The following SLC37A1 variants were observed in gnomAD, a reference collection of about 807,000 sequenced individuals.
SLC37A1 encodes glucose-6-phosphate exchanger SLC37A1.
SLC37A1 carries 49 observed loss-of-function variants against 75.3 expected under a neutral mutation model. The ratio of observed to expected loss-of-function variants is 0.65; its 90% CI spans 0.52 to 0.83. The LOEUF is 0.83. Ranked by LOEUF, SLC37A1 falls within the 40% of genes least tolerant of loss-of-function variation. The probability of loss-of-function intolerance (pLI) is 0.00; values close to 1 mark genes in which losing one functional copy is unlikely to be tolerated. For synonymous variants in SLC37A1, 268 were observed against 292.1 expected (o/e 0.92, Z 0.84); for missense variants, 566 against 695.0 (o/e 0.81, Z 2.09).
chr21:42,579,477 T>C (rs2056371263), intron 18 of SLC37A1, among the ~76,000 whole-genome samples: 1 of 36,692 alleles, frequency 2.7e-5, no homozygotes, highest in South Asian at 9.3e-4. Context: ...AAAGCCTTGT[T>C]TTCAGGGCAG....
intron 17 of SLC37A1, among the ~76,000 whole-genome samples, chr21:42,571,674 C>T (rs919269455): frequency 2.0e-5 from 3 of 151,966 alleles, no homozygotes; most frequent in African/African-American, 4.8e-5. Flanking sequence ...CCTTCCACCC[C>T]GACATTGCCC....
intron 3 of SLC37A1, among the ~76,000 whole-genome samples, chr21:42,528,080 G>T (rs1415729915): frequency 6.6e-6 from 1 of 152,168 alleles, no homozygotes; most frequent in African/African-American, 2.4e-5. Flanking sequence ...TTGAACCAGA[G>T]GCTGTGAATT....
intron 11 of SLC37A1, among the ~76,000 whole-genome samples, chr21:42,559,377 C>T (rs759292740): frequency 2.6e-5 from 4 of 152,210 alleles, no homozygotes; most frequent in African/African-American, 7.2e-5. Context: ...ACTGGAAAAA[C>T]GGAAAGCCTG....
upstream of SLC37A1, chr21:42,509,347 T>C (rs988455170): frequency 1.1e-4 from 16 of 152,244 alleles, no homozygotes; most frequent in African/African-American, 3.9e-4. This position sits in a 1 kb window ranked among gnomAD's most constrained non-coding sequence, Gnocchi z 4.2. Flanking sequence ...CCACCCACGG[T>C]GACTCAGTCA....
In SLC37A1 at chr21:42,579,805, G is replaced by A. The variant is rs773691531; in HGVS notation, c.1586+5G>A. ...AGCTACGGGGGACCAAGTTCCGTAA[G>A]TCCCACTCGGGCCCTGTCTCCGTGC... On this transcript the variant is annotated splice_donor_5th_base_variant and intron_variant, in intron 19 of 19. Coordinates refer to ENST00000352133, the MANE Select transcript of SLC37A1 (RefSeq NM_001320537.2). 2 of 1,614,040 alleles carry A rather than the reference G, an allele frequency of 1.2e-6. No individual in the cohort carries two copies. The highest frequency in any genetic ancestry group is 1.3e-5 in the African/African-American group (1 of 75,050).
At chr21:42,520,817 G>A (rs1420599589) in intron 2 of SLC37A1, among the ~76,000 whole-genome samples, 1 of 152,204 alleles carries the variant, frequency 6.6e-6, no homozygotes, top group African/African-American at 2.4e-5. Context: ...CTGGGGCAGG[G>A]CAAGGAATAG....
At position 42,534,740 on chromosome 21, in the gene SLC37A1, G is replaced by T. The variant is rs115669950; in HGVS notation, c.181G>T (p.Val61Phe). The change falls in exon 4 of 20, where the codon GTC becomes TTC. Residue 61 changes from valine (V) to phenylalanine (F), a missense_variant. Physicochemically the swap from Val to Phe is conservative, Grantham distance 50 (BLOSUM62 -1). Coordinates refer to ENST00000352133, the MANE Select transcript of SLC37A1 (RefSeq NM_001320537.2). Reference sequence around the variant, plus strand: ...CTGCACTGCTTGGGATGAAGCTGACGTCAGGTTCAGCAGCCAGAACAGGAA... The same window carrying T: ...CTGCACTGCTTGGGATGAAGCTGACTTCAGGTTCAGCAGCCAGAACAGGAA... The part of the protein sequence containing the change: ...KYCTAWDEAD[V>F]RFSSQNRKSG... 2.5e-6 allele frequency: 4 copies of T among 1,613,916 alleles called. No homozygotes were observed. The South Asian group carries it at 4.4e-5, about 18-fold the overall frequency.
chr21:42,569,340 G>A (rs1305129063), intron 17 of SLC37A1, among the ~76,000 whole-genome samples: 2 of 152,152 alleles, frequency 1.3e-5, no homozygotes, highest in Non-Finnish European at 2.9e-5. Flanking sequence ...ACGTTTCTGG[G>A]TGCCCACTGC....
intron 18 of SLC37A1, among the ~76,000 whole-genome samples, chr21:42,577,586 C>T (rs1348799888): frequency 1.3e-5 from 2 of 152,176 alleles, no homozygotes; most frequent in Admixed American, 6.5e-5. Flanking sequence ...AATGTGTAAC[C>T]TTCAAGGCAA....
chr21:42,551,802 T>C (rs1321666011), intron 9 of SLC37A1, among the ~76,000 whole-genome samples: 2 of 147,606 alleles, frequency 1.4e-5, no homozygotes, highest in African/African-American at 5.3e-5. Flanking sequence ...CTCAATGGTT[T>C]TTTTTGTTTT....
chr21:42,580,304 G>A, intron 19 of SLC37A1, 41 bp from the exon 20 acceptor site: 1 of 1,605,714 alleles, frequency 6.2e-7, no homozygotes, highest in Admixed American at 1.7e-5. Context: ...CTGAGCCACT[G>A]CTGGCTGTTA....
At chr21:42,539,701 G>T in intron 6 of SLC37A1, 54 bp downstream of exon 6, 1 of 1,560,342 alleles carries the variant, frequency 6.4e-7, no homozygotes. Context: ...GGTGAATAGG[G>T]TGGAGTGTTT....
At chr21:42,562,573 CG>C (rs1299982817) in intron 12 of SLC37A1, among the ~76,000 whole-genome samples, 2 of 152,134 alleles carry the variant, frequency 1.3e-5, no homozygotes, top group African/African-American at 2.4e-5. Flanking sequence ...TGGGAGATAG[CG>C]TCTCATTTTT....
At chr21:42,525,477 G>A (rs181287309) in intron 2 of SLC37A1, among the ~76,000 whole-genome samples, 244 of 152,334 alleles carry the variant, frequency 1.6e-3, no homozygotes, top group African/African-American at 5.5e-3. Context: ...CTTGGTATAT[G>A]GGGAAAACCC....
At chr21:42,541,949 C>G (rs796353418) in intron 6 of SLC37A1, among the ~76,000 whole-genome samples, 9 of 152,228 alleles carry the variant, frequency 5.9e-5, no homozygotes, top group African/African-American at 2.2e-4. Flanking sequence ...TCTATATTGC[C>G]CAGGCTGGTC....
Position 42,575,020 on chromosome 21 carries a change from A to G in SLC37A1, c.1521+105A>G. 3 of 1,522,946 alleles carry G rather than the reference A, an allele frequency of 2.0e-6. No homozygotes were observed. In the South Asian group the frequency reaches 3.8e-5, roughly 19 times the overall value. The allele number at this position is 1,522,946 out of a possible 1,614,324, so 94.3% of individuals were successfully genotyped here. The stretch of plus-strand genomic sequence containing the variant: ...CCCATGCATTCCTGAGTTATCAGAG[A>G]GGTTTGGGTCTTCCCATCTTTTCTA... On this transcript the variant is annotated intron_variant, in intron 18 of 19. Transcript: ENST00000352133.
chr21:42,579,638 CGCCCAGGCCTTGCG>C, intron 18 of SLC37A1, 84 bp from the exon 19 acceptor site: 1 of 1,113,176 alleles, frequency 9.0e-7, no homozygotes, highest in Non-Finnish European at 1.2e-6. Flanking sequence ...GAGAGCCACC[CGCCCAGGCCTTGCG>C]GGCCAGGTCC....
chr21:42,579,281 G>A (rs1045657358), intron 18 of SLC37A1, among the ~76,000 whole-genome samples: 4 of 152,226 alleles, frequency 2.6e-5, no homozygotes, highest in South Asian at 2.1e-4. Context: ...CAGGGCTGGC[G>A]CCAGAGGAAG....
At position 42,579,801 on chromosome 21, in the gene SLC37A1, G is replaced by C. The variant is rs981426500; in HGVS notation, c.1586+1G>C. Reference sequence around the variant, plus strand: ...GGTCAGCTACGGGGGACCAAGTTCCGTAAGTCCCACTCGGGCCCTGTCTCC... The same window carrying C: ...GGTCAGCTACGGGGGACCAAGTTCCCTAAGTCCCACTCGGGCCCTGTCTCC... On this transcript the variant is annotated splice_donor_variant, in intron 19 of 19. Transcript: ENST00000352133. LOFTEE classifies it high-confidence loss of function. The C allele has an allele frequency of 6.2e-7, 1 of 1,614,062 alleles. No homozygotes were observed.
Sources: allele counts gnomAD v4.1 joint callset (sites outside exome capture counted in the v4.1 genomes callset), GRCh38; gene constraint gnomAD v4.1.1; non-coding constraint Gnocchi (gnomAD v3.1); transcripts MANE v1.5; gene names NCBI Gene and HGNC (gene_info 2026-07-23, HGNC 2026-07-21).